Variants in SGCZ observed in about 807,000 individuals in gnomAD.
SGCZ encodes the protein zeta-sarcoglycan.
Under a neutral mutation model 41.3 loss-of-function variants are expected in SGCZ, and 40 were observed. The ratio of observed to expected loss-of-function variants is 0.97; its 90% confidence interval spans 0.75 to 1.26. The LOEUF is 1.26. Ranked by LOEUF, SGCZ falls within the 50% of genes most tolerant of loss-of-function variation. SGCZ has a pLI of 0.00. For synonymous variants in SGCZ, 206 were observed against 137.5 expected (o/e 1.50, Z -3.49); for missense variants, 552 against 369.8 (o/e 1.49, Z -4.04).
intron 2 of SGCZ, among the ~76,000 whole-genome samples, chr8:14,502,260 A>C (rs562534767): frequency 3.6e-4 from 55 of 152,188 alleles, no homozygotes; most frequent in African/African-American, 1.3e-3. Context: ...CATTTTACTT[A>C]CTCTCGAGAC....
chr8:14,939,963 C>T (rs1045852059), intron 1 of SGCZ, among the ~76,000 whole-genome samples: 1 of 152,126 alleles, frequency 6.6e-6, no homozygotes, highest in Non-Finnish European at 1.5e-5. Flanking sequence ...ATTGAAACAT[C>T]TATTTCAATT....
chr8:14,178,697 G>T (rs909006167), intron 4 of SGCZ, among the ~76,000 whole-genome samples: 5 of 152,136 alleles, frequency 3.3e-5, no homozygotes, highest in Admixed American at 3.3e-4. Context: ...CTACACAAAT[G>T]GTTAACAGGA....
intron 1 of SGCZ, among the ~76,000 whole-genome samples, chr8:14,893,193 G>A (rs1013201245): frequency 2.0e-5 from 3 of 152,058 alleles, no homozygotes; most frequent in Non-Finnish European, 4.4e-5. Flanking sequence ...AGAAAGAGAT[G>A]GACTACAAGA....
At chr8:15,214,715 A>G (rs1409009795) in intron 1 of SGCZ, among the ~76,000 whole-genome samples, 2 of 152,128 alleles carry the variant, frequency 1.3e-5, no homozygotes, top group African/African-American at 4.8e-5. Context: ...CATATTTAAG[A>G]AACCTCAGAC....
At chr8:15,166,499 T>C (rs7820668) in intron 1 of SGCZ, among the ~76,000 whole-genome samples, 31,694 of 151,996 alleles carry the variant, frequency 0.21, 4,006 homozygotes, top group East Asian at 0.57. Flanking sequence ...CCGCCCGCCT[T>C]GGCCTCCCAA....
chr8:14,344,227 A>G (rs1802812733), intron 2 of SGCZ, among the ~76,000 whole-genome samples: 1 of 152,086 alleles, frequency 6.6e-6, no homozygotes, highest in African/African-American at 2.4e-5. Flanking sequence ...AGTAGACCTT[A>G]GATAAGGAAA....
rs1337749249 is a variant in SGCZ at position 14,501,582 on chromosome 8, T to C, written c.234+53150A>G. On this transcript the variant is annotated intron_variant, in intron 2 of 7. Transcript: ENST00000382080. ...TGACTGCTTTTCATAATCTATATTA[T>C]AGATGAAATTCATGATTTAGTTATC... 4.6e-5 allele frequency among the ~76,000 whole-genome samples: 7 copies of C among 150,662 alleles called. No homozygotes were observed. The East Asian group carries it at 5.9e-4, about 13-fold the overall frequency.
chr8:14,551,545 A>T (rs1585072079), intron 2 of SGCZ, among the ~76,000 whole-genome samples: 1 of 5,806 alleles, frequency 1.7e-4, no homozygotes, highest in Non-Finnish European at 3.8e-4. Flanking sequence ...TATATATAAT[A>T]TATATAATAT....
chr8:15,179,147 G>C (rs779051565), intron 1 of SGCZ, among the ~76,000 whole-genome samples: 1 of 152,058 alleles, frequency 6.6e-6, no homozygotes, highest in Non-Finnish European at 1.5e-5. Flanking sequence ...ATAGTCTAGA[G>C]ATATCAATTA....
chr8:14,300,362 G>A (rs558259780), intron 3 of SGCZ, among the ~76,000 whole-genome samples: 3 of 151,534 alleles, frequency 2.0e-5, no homozygotes, highest in African/African-American at 7.3e-5. Flanking sequence ...GAGAAAGGAA[G>A]GAAGAGAGGG....
At chr8:14,502,399 T>A in intron 2 of SGCZ, among the ~76,000 whole-genome samples, 1 of 152,128 alleles carries the variant, frequency 6.6e-6, no homozygotes. Context: ...AGTAAAGAAT[T>A]CTTCATCTCA....
chr8:14,108,135 T>C, intron 6 of SGCZ, 28 bp downstream of exon 6: 1 of 1,605,072 alleles, frequency 6.2e-7, no homozygotes, highest in East Asian at 2.2e-5. Flanking sequence ...ATGGATTTTA[T>C]GCCACAGGTA....
At chr8:14,336,383 T>C (rs904703600) in intron 2 of SGCZ, among the ~76,000 whole-genome samples, 5 of 152,218 alleles carry the variant, frequency 3.3e-5, no homozygotes, top group African/African-American at 9.6e-5. Flanking sequence ...ATATTATGAA[T>C]AGTGCTGCAG....
At chr8:14,529,307 C>A (rs1428859184) in intron 2 of SGCZ, among the ~76,000 whole-genome samples, 1 of 152,154 alleles carries the variant, frequency 6.6e-6, no homozygotes, top group Non-Finnish European at 1.5e-5. Context: ...TCCAGCACAC[C>A]TGCTTGACTC....
At chr8:14,994,018 T>C (rs115890079) in intron 1 of SGCZ, among the ~76,000 whole-genome samples, 3,462 of 152,200 alleles carry the variant, frequency 0.023, 150 homozygotes, top group African/African-American at 0.077. Flanking sequence ...TGAGAATACA[T>C]TGGGGGCTGG....
intron 1 of SGCZ, among the ~76,000 whole-genome samples, chr8:14,674,655 G>T (rs1460674769): frequency 6.6e-6 from 1 of 152,086 alleles, no homozygotes; most frequent in Non-Finnish European, 1.5e-5. Context: ...CCTGGTGGGA[G>T]GTGATTGTGG....
At chr8:14,136,727 T>C (rs556859591) in intron 5 of SGCZ, among the ~76,000 whole-genome samples, 1 of 152,264 alleles carries the variant, frequency 6.6e-6, no homozygotes, top group Admixed American at 6.5e-5. Context: ...GGGCAGGACA[T>C]AGCTGAACAA....
chr8:14,592,669 T>C (rs1034026774), intron 1 of SGCZ, among the ~76,000 whole-genome samples: 12 of 152,154 alleles, frequency 7.9e-5, no homozygotes, highest in Non-Finnish European at 1.5e-4. Context: ...GTAATAAAAT[T>C]TCTTTTACCA....
chr8:15,195,949 G>C (rs986949626), intron 1 of SGCZ, among the ~76,000 whole-genome samples: 6 of 116,080 alleles, frequency 5.2e-5, no homozygotes, highest in Non-Finnish European at 8.9e-5. Flanking sequence ...CCAGGCTGGA[G>C]TGCAGTGGCG....
Sources: gnomAD v4.1 joint callset for allele counts (sites outside exome capture counted in the v4.1 genomes callset) on GRCh38, gnomAD v4.1.1 for gene constraint, MANE v1.5 for transcripts, NCBI Gene and HGNC (gene_info 2026-07-23, HGNC 2026-07-21) for gene names.